Variants in CLDN14 observed in about 807,000 individuals in gnomAD.
CLDN14 encodes claudin-14.
A neutral mutation model predicts 2.1 loss-of-function variants in CLDN14; 2 were observed. The observed-to-expected ratio is 0.96, with a 90% confidence interval of 0.39 to 3.01. The LOEUF is 3.01. Ranked by LOEUF, CLDN14 falls within the 30% of genes most tolerant of loss-of-function variation. The pLI, the probability that CLDN14 is intolerant of heterozygous loss-of-function variation, is 0.09. For synonymous variants in CLDN14, 136 were observed against 154.4 expected (o/e 0.88, Z 0.88); for missense variants, 298 against 328.0 (o/e 0.91, Z 0.71).
In CLDN14 at chr21:36,574,684, T is replaced by C. The variant is rs144827416; in HGVS notation, c.-220+1727A>G. Among the ~76,000 whole-genome samples the C allele has an allele frequency of 1.8e-4, 27 of 152,354 alleles. No homozygotes were observed. The East Asian group carries it at 5.2e-3, about 29-fold the overall frequency. On this transcript the variant is annotated intron_variant, in intron 1 of 2. Coordinates refer to the CLDN14 transcript ENST00000342108. ...ATTGTTGAACTGAACCCCCGGTAGC[T>C]GTGTATTTTATTTATGTTACTTATA...
Position 36,499,959 on chromosome 21 carries a change from C to G in CLDN14, c.-82+10404G>C, listed in dbSNP as rs2087078651. On this transcript the variant is annotated intron_variant, in intron 2 of 2. Coordinates refer to the CLDN14 transcript ENST00000342108. The surrounding 1 kb of genome is among the most constrained non-coding windows in gnomAD (Gnocchi z 4.7). ...CAGAAGCCTGCCCCAGCCGCGCACA[C>G]AGAGTCTACCTGTCTTCCAATGCGA... Among the ~76,000 whole-genome samples, 1 of 152,162 alleles carries G rather than the reference C, an allele frequency of 6.6e-6. No homozygotes were observed. Among genetic ancestry groups the G allele is most frequent in the African/African-American group, 2.4e-5 (1 of 41,448 alleles).
chr21:36,531,289 A>AT (rs554734832), intron 1 of CLDN14, among the ~76,000 whole-genome samples: 11,989 of 149,824 alleles, frequency 0.08, 1,027 homozygotes, highest in African/African-American at 0.22. Flanking sequence ...TTTGCTATAA[A>AT]TGTTTTTTTT....
At chr21:36,547,745 C>T (rs936230923) in intron 1 of CLDN14, among the ~76,000 whole-genome samples, 3 of 152,134 alleles carry the variant, frequency 2.0e-5, no homozygotes, top group African/African-American at 4.8e-5. Context: ...GCAGCCTGGC[C>T]GGAGCTGGCC....
chr21:36,502,855 A>G (rs1297097365), intron 2 of CLDN14, among the ~76,000 whole-genome samples: 1 of 152,228 alleles, frequency 6.6e-6, no homozygotes, highest in African/African-American at 2.4e-5. Context: ...TCTGACCTAA[A>G]GGAAGGAAAA....
intron 2 of CLDN14, chr21:36,485,855 T>C: frequency 3.7e-6 from 1 of 272,790 alleles, no homozygotes; most frequent in Non-Finnish European, 6.6e-6. Flanking sequence ...TCCATTTCCT[T>C]TTTTTTTTTT....
At position 36,544,340 on chromosome 21, in the gene CLDN14, C is replaced by T. The variant is rs1418862331; in HGVS notation, c.-220+32071G>A. On this transcript the variant is annotated intron_variant, in intron 1 of 2. Transcript: ENST00000342108. The surrounding 1 kb of genome is among the most constrained non-coding windows in gnomAD (Gnocchi z 4.1). ...TCTCAGTACAGAAGGAGGGAGCAGC[C>T]GAGGCTGTCTGACATCCAGACCCCA... is the stretch of plus-strand genomic sequence containing the variant. 2.0e-5 allele frequency among the ~76,000 whole-genome samples: 3 copies of T among 152,186 alleles called. No homozygotes were observed. The highest frequency in any genetic ancestry group is 2.9e-5 in the Non-Finnish European group (2 of 68,032).
intron 1 of CLDN14, among the ~76,000 whole-genome samples, chr21:36,567,060 T>C (rs906918880): frequency 6.6e-6 from 1 of 152,236 alleles, no homozygotes; most frequent in East Asian, 1.9e-4. Context: ...CCATCGTGAA[T>C]TGATCTGTGG....
intron 2 of CLDN14, among the ~76,000 whole-genome samples, chr21:36,508,968 A>C (rs57440576): frequency 0.047 from 7,147 of 152,294 alleles, 565 homozygotes; most frequent in African/African-American, 0.16. Context: ...CTCTGGAGGT[A>C]AAGAAGCCGC....
In CLDN14 at chr21:36,491,801, T is replaced by C. The variant is rs189836334; in HGVS notation, c.-82+18562A>G. Among the ~76,000 whole-genome samples the C allele has an allele frequency of 3.7e-3, 558 of 152,162 alleles. 2 individuals are homozygous for C. Among genetic ancestry groups the C allele is most frequent in the Non-Finnish European group, 6.2e-3 (424 of 67,980 alleles). On this transcript the variant is annotated intron_variant, in intron 2 of 2. Coordinates refer to the CLDN14 transcript ENST00000342108. Reference sequence around the variant, plus strand: ...GCTTTCCCAGTAAATATGGTGCATGTTGGGAGGACAGGTGCATGTGGACAG... The same window carrying C: ...GCTTTCCCAGTAAATATGGTGCATGCTGGGAGGACAGGTGCATGTGGACAG...
intron 1 of CLDN14, among the ~76,000 whole-genome samples, chr21:36,561,355 A>T (rs553180050): frequency 1.0e-3 from 156 of 152,132 alleles, no homozygotes; most frequent in South Asian, 1.9e-3. Flanking sequence ...ACCAAGGGAA[A>T]TTTTTTCTTG....
At chr21:36,485,719 A>G (rs2086888004) in intron 2 of CLDN14, 2 of 251,840 alleles carry the variant, frequency 7.9e-6, no homozygotes, top group South Asian at 1.3e-4. Flanking sequence ...ACAAGTGACA[A>G]TGAAGAGACA....
In CLDN14 at chr21:36,499,545, G is replaced by T. The variant is rs1471369477; in HGVS notation, c.-82+10818C>A. On this transcript the variant is annotated intron_variant, in intron 2 of 2. Transcript: ENST00000342108. This position sits in a 1 kb window ranked among gnomAD's most constrained non-coding sequence, Gnocchi z 4.7. Reference sequence around the variant, plus strand: ...AGAGTCTCTAAAGTTGTTGCAGGGGGCTTGTTGCAATGTCCGTACCAGGGC... The same window carrying T: ...AGAGTCTCTAAAGTTGTTGCAGGGGTCTTGTTGCAATGTCCGTACCAGGGC... Among the ~76,000 whole-genome samples, 1 of 152,130 alleles carries T rather than the reference G, an allele frequency of 6.6e-6. No homozygotes were observed. Among genetic ancestry groups the T allele is most frequent in the African/African-American group, 2.4e-5 (1 of 41,422 alleles).
intron 2 of CLDN14, among the ~76,000 whole-genome samples, chr21:36,502,333 C>T (rs1407753131): frequency 6.6e-6 from 1 of 152,170 alleles, no homozygotes; most frequent in Non-Finnish European, 1.5e-5. Flanking sequence ...TATTCTTATG[C>T]CTGTTGAGGT....
rs528335806 is a variant in CLDN14 at position 36,496,518 on chromosome 21, C to T, written c.-82+13845G>A. Among the ~76,000 whole-genome samples the T allele has an allele frequency of 1.0e-4, 15 of 149,058 alleles. No homozygotes were observed. In the South Asian group the frequency reaches 1.5e-3, roughly 15 times the overall value. On this transcript the variant is annotated intron_variant, in intron 2 of 2. Coordinates refer to the CLDN14 transcript ENST00000342108. ...GATTTAGAAGCCTTTCTTCTAGGGA[C>T]GAATCCCTCCAAATTTAGAACCAGG... is the stretch of plus-strand genomic sequence containing the variant.
intron 1 of CLDN14, among the ~76,000 whole-genome samples, chr21:36,538,453 A>C (rs1007182565): frequency 1.3e-5 from 2 of 152,134 alleles, no homozygotes; most frequent in Admixed American, 1.3e-4. Flanking sequence ...GTCTCTACTA[A>C]AAATACAAAA....
At chr21:36,508,524 TC>T (rs1349103749) in intron 2 of CLDN14, among the ~76,000 whole-genome samples, 3 of 152,116 alleles carry the variant, frequency 2.0e-5, no homozygotes, top group Non-Finnish European at 1.5e-5. Context: ...ACGCAGTCCT[TC>T]TATGTCATGG....
chr21:36,464,675 T>C (rs7277076), intron 1 of CLDN14, among the ~76,000 whole-genome samples: 79,438 of 152,058 alleles, frequency 0.52, 21,028 homozygotes, highest in Middle Eastern at 0.64. Flanking sequence ...CCCTGCACCC[T>C]GAGCACACCG....
chr21:36,555,802 GGTCAGTGTGTGTGT>G (rs2087594397), intron 1 of CLDN14, among the ~76,000 whole-genome samples: 1 of 108,860 alleles, frequency 9.2e-6, no homozygotes, highest in Non-Finnish European at 2.0e-5. Flanking sequence ...ATTTTCTATA[GGTCAGTGTGTGTGT>G]GTGTGTGTGT....
chr21:36,523,805 A>G (rs55758523), intron 1 of CLDN14, among the ~76,000 whole-genome samples: 55,135 of 89,844 alleles, frequency 0.61, 21,227 homozygotes, highest in Non-Finnish European at 0.81. Context: ...GAAAGAAAGA[A>G]AGAAAGAAAG....
Sources: allele counts gnomAD v4.1 joint callset (sites outside exome capture counted in the v4.1 genomes callset), GRCh38; gene constraint gnomAD v4.1.1; non-coding constraint Gnocchi (gnomAD v3.1); transcripts MANE v1.5; gene names NCBI Gene and HGNC (gene_info 2026-07-23, HGNC 2026-07-21).